The following ANKRD12 variants were observed in gnomAD, a reference collection of about 807,000 sequenced individuals.
ANKRD12 encodes the protein ankyrin repeat domain-containing protein 12.
In ANKRD12, 85 loss-of-function variants were observed where a neutral mutation model predicts 183.4. The observed-to-expected ratio is 0.46, with a 90% confidence interval of 0.39 to 0.56. The LOEUF is 0.56. Ranked by LOEUF, ANKRD12 falls within the 20% of genes least tolerant of loss-of-function variation. The pLI is 0.00. For missense variants in ANKRD12, 2,405 were observed against 2,357.1 expected (o/e 1.02, Z -0.42); for synonymous variants, 914 against 800.2 (o/e 1.14, Z -2.40).
chr18:9,194,827 C>T (rs891253118), intron 2 of ANKRD12, among the ~76,000 whole-genome samples: 5 of 152,164 alleles, frequency 3.3e-5, no homozygotes, highest in Admixed American at 3.3e-4. Context: ...CCAGCAATCC[C>T]ATTTTTGTTT....
intron 1 of ANKRD12, chr18:9,137,506 C>T (rs1381522604): frequency 6.8e-6 from 1 of 146,938 alleles, no homozygotes. Context: ...GCGCCCGGCC[C>T]GCCGCGCGTT....
chr18:9,166,859 T>A (rs2032126253), intron 1 of ANKRD12, among the ~76,000 whole-genome samples: 2 of 152,230 alleles, frequency 1.3e-5, no homozygotes, highest in Non-Finnish European at 2.9e-5. Context: ...AGGTCTAACA[T>A]GTAAGTCTTT....
chr18:9,271,959 C>T (rs1250588484), intron 10 of ANKRD12, among the ~76,000 whole-genome samples: 1 of 152,136 alleles, frequency 6.6e-6, no homozygotes, highest in Non-Finnish European at 1.5e-5. Context: ...GGGTCATTTT[C>T]CCCACAGAAA....
intron 3 of ANKRD12, among the ~76,000 whole-genome samples, chr18:9,202,896 G>T (rs1236483327): frequency 6.6e-6 from 1 of 152,192 alleles, no homozygotes; most frequent in Non-Finnish European, 1.5e-5. Flanking sequence ...TGTGGGGTCA[G>T]AGTGGTTGCT....
At chr18:9,261,447 G>A (rs2038960757) in intron 9 of ANKRD12, among the ~76,000 whole-genome samples, 1 of 152,138 alleles carries the variant, frequency 6.6e-6, no homozygotes, top group Non-Finnish European at 1.5e-5. Context: ...AAGCATTTTT[G>A]TAGATCTTTA....
intron 2 of ANKRD12, among the ~76,000 whole-genome samples, chr18:9,185,910 C>T (rs1156246844): frequency 6.6e-6 from 1 of 152,144 alleles, no homozygotes; most frequent in African/African-American, 2.4e-5. Context: ...GGACAGAATG[C>T]AATGTTAGAT....
rs775877613 is a variant in ANKRD12 at position 9,262,786 on chromosome 18, C to CTTTTTTTTTTTTTTTTTTTTTT, written c.5665-1004_5665-1003insTTTTTTTTTTTTTTTTTTTTTT. On this transcript the variant is annotated intron_variant, in intron 9 of 12. Coordinates refer to ENST00000262126, the MANE Select transcript of ANKRD12 (RefSeq NM_015208.5). ...AGCCACCATGCCCAGCCAAGATGTCCCTTTTTTTTTTTTTTTTTTTTTTTT... is the reference window on the plus strand; with the variant it reads ...AGCCACCATGCCCAGCCAAGATGTCCTTTTTTTTTTTTTTTTTTTTTTCTTTTTTTTTTTTTTTTTTTTTTTT... Among the ~76,000 whole-genome samples, 13 of 87,932 alleles carry CTTTTTTTTTTTTTTTTTTTTTT rather than the reference C, an allele frequency of 1.5e-4. 6 individuals are homozygous for CTTTTTTTTTTTTTTTTTTTTTT. The highest frequency in any genetic ancestry group is 2.3e-4 in the Non-Finnish European group (10 of 44,262). The allele number at this position is 87,932 out of a possible 152,430, so 57.7% of individuals were successfully genotyped here.
chr18:9,160,841 G>A (rs560881075), intron 1 of ANKRD12, among the ~76,000 whole-genome samples: 1 of 152,170 alleles, frequency 6.6e-6, no homozygotes, highest in African/African-American at 2.4e-5. Flanking sequence ...CAATTTGATC[G>A]TCTTTAAAAG....
intron 2 of ANKRD12, among the ~76,000 whole-genome samples, chr18:9,188,399 T>A (rs1598494341): frequency 6.6e-6 from 1 of 152,328 alleles, no homozygotes; most frequent in East Asian, 1.9e-4. Flanking sequence ...AGGCTGTTTA[T>A]CATACAAATA....
chr18:9,257,429 C>T lies in ANKRD12; in HGVS notation c.4162C>T (p.Leu1388Phe). ...CAAGTATGTTTCAGCTGATAGAAATCTCATCAAGAATACTGCCCCAGTGAA... is the reference window on the plus strand; with the variant it reads ...CAAGTATGTTTCAGCTGATAGAAATTTCATCAAGAATACTGCCCCAGTGAA... ...NSKYVSADRN[L>F]IKNTAPVNTV... is the part of the protein sequence containing the mutation. Residue 1388 changes from leucine to phenylalanine, a missense_variant, in exon 9 of 13, where the codon CTC becomes TTC. Around this residue, in one of 7 missense-constraint regions of ANKRD12, gnomAD observed 1,983 missense variants for 1,725.9 expected, o/e 1.15. Transcript: ENST00000262126. 1 of 1,614,090 alleles carries T rather than the reference C, an allele frequency of 6.2e-7. No homozygotes were observed. Among genetic ancestry groups the T allele is most frequent in the Non-Finnish European group, 8.5e-7 (1 of 1,179,996 alleles).
At chr18:9,165,215 G>A (rs145214182) in intron 1 of ANKRD12, among the ~76,000 whole-genome samples, 6 of 152,084 alleles carry the variant, frequency 3.9e-5, no homozygotes, top group East Asian at 1.9e-4. Flanking sequence ...CTAGGATTGC[G>A]ACTCCTGCTT....
intron 3 of ANKRD12, among the ~76,000 whole-genome samples, chr18:9,203,087 TTTTG>T (rs1243831164): frequency 2.6e-5 from 4 of 152,368 alleles, no homozygotes; most frequent in Admixed American, 6.5e-5. Flanking sequence ...ATTTAAATTT[TTTTG>T]TTTGTCTTTG....
At chr18:9,186,717 G>C (rs1233866609) in intron 2 of ANKRD12, among the ~76,000 whole-genome samples, 1 of 146,664 alleles carries the variant, frequency 6.8e-6, no homozygotes, top group East Asian at 2.0e-4. Context: ...CATCATTCAT[G>C]TGTATATTTG....
In ANKRD12 at chr18:9,174,787, C is replaced by G. The variant is rs977570843; in HGVS notation, c.-51-7595C>G. 2.6e-5 allele frequency among the ~76,000 whole-genome samples: 4 copies of G among 152,158 alleles called. No homozygotes were observed. The East Asian group carries it at 7.7e-4, about 29-fold the overall frequency. ...CTATGAGAGCCATCTTGTTTCTAAT[C>G]GGCTATCTTGGCCCCTCCTGCCCCC... On this transcript the variant is annotated intron_variant, in intron 1 of 12. Coordinates refer to ENST00000262126, the MANE Select transcript of ANKRD12 (RefSeq NM_015208.5).
At chr18:9,260,723 G>A (rs1219086393) in intron 9 of ANKRD12, among the ~76,000 whole-genome samples, 1 of 152,140 alleles carries the variant, frequency 6.6e-6, no homozygotes, top group Non-Finnish European at 1.5e-5. Context: ...AAGATAGATG[G>A]GGAAAACAGC....
intron 10 of ANKRD12, among the ~76,000 whole-genome samples, chr18:9,267,094 C>T (rs2039335929): frequency 6.6e-6 from 1 of 152,126 alleles, no homozygotes; most frequent in African/African-American, 2.4e-5. Context: ...GCACCCAATA[C>T]AGGAGCACCC....
intron 8 of ANKRD12, among the ~76,000 whole-genome samples, chr18:9,223,225 G>T (rs368879782): frequency 1.6e-4 from 25 of 151,700 alleles, no homozygotes; most frequent in African/African-American, 5.8e-4. Context: ...TTCAAGACCA[G>T]CCTGGCCAAC....
At chr18:9,215,933 A>G (rs945093111) in intron 6 of ANKRD12, among the ~76,000 whole-genome samples, 5 of 152,030 alleles carry the variant, frequency 3.3e-5, no homozygotes, top group African/African-American at 7.3e-5. Context: ...AACAGTTTCA[A>G]GTGATGAGGA....
At chr18:9,169,343 G>C (rs1186823302) in intron 1 of ANKRD12, among the ~76,000 whole-genome samples, 2 of 152,158 alleles carry the variant, frequency 1.3e-5, no homozygotes, top group Non-Finnish European at 2.9e-5. Flanking sequence ...TTGTGTGGGA[G>C]TTTAAGTCTC....
Sources: gnomAD v4.1 joint callset for allele counts (sites outside exome capture counted in the v4.1 genomes callset) on GRCh38, gnomAD v4.1.1 for gene constraint, gnomAD v4.1.1 regional missense constraint, MANE v1.5 for transcripts, NCBI Gene and HGNC (gene_info 2026-07-23, HGNC 2026-07-21) for gene names.